PICALM: variants seen among roughly 807,000 people sequenced by gnomAD.
PICALM encodes phosphatidylinositol-binding clathrin assembly protein.
PICALM carries 40 observed loss-of-function variants against 80.5 expected under a neutral mutation model. That is an observed-to-expected ratio of 0.50 (90% CI 0.39 to 0.65). The LOEUF (loss-of-function observed/expected upper bound fraction) is 0.65, where lower values mean the gene tolerates loss of function less well. PICALM is among the 30% of genes least tolerant of loss of function. The pLI is 0.00. For synonymous variants in PICALM, 288 were observed against 260.3 expected, an observed-to-expected ratio of 1.11 and a Z score of -1.02; for missense variants, 676 against 778.9, an observed-to-expected ratio of 0.87 and a Z score of 1.57.
intron 8 of PICALM, among the ~76,000 whole-genome samples, chr11:86,006,957 G>A (rs2095290916): frequency 6.6e-6 from 1 of 151,770 alleles, no homozygotes; most frequent in Non-Finnish European, 1.5e-5. Flanking sequence ...ACTACTTACT[G>A]TCTGAGGTAG....
intron 1 of PICALM, among the ~76,000 whole-genome samples, chr11:86,034,102 A>C (rs1399995295): frequency 2.0e-5 from 3 of 152,214 alleles, no homozygotes; most frequent in Non-Finnish European, 4.4e-5. Flanking sequence ...ATAACTCCAG[A>C]AGCTAAAAAA....
In PICALM at chr11:85,977,183, C is replaced by G. The variant is rs143057595; in HGVS notation, c.1780-501G>C. 7.8e-4 allele frequency among the ~76,000 whole-genome samples: 118 copies of G among 152,250 alleles called. 2 individuals carry two copies. The East Asian group carries it at 0.021, about 27-fold the overall frequency. On this transcript the variant is annotated intron_variant, in intron 17 of 19. Transcript: ENST00000393346. ...TTCTAAGGATCTTACTCACTCTTTT[C>G]AAAAAACTCCAAAGGTTTCAAACTA...
intron 19 of PICALM, chr11:85,969,665 A>C (rs1339012206): frequency 4.7e-6 from 2 of 422,550 alleles, no homozygotes; most frequent in Admixed American, 2.6e-5. Flanking sequence ...AACCTTATCT[A>C]GTTCAAAGAT....
chr11:86,052,626 A>G (rs1046280720), intron 1 of PICALM, among the ~76,000 whole-genome samples: 10 of 152,204 alleles, frequency 6.6e-5, no homozygotes, highest in Non-Finnish European at 1.3e-4. Context: ...ATCTCATCTC[A>G]GCTTCCAGAT....
At chr11:85,996,963 C>G (rs755360688) in intron 11 of PICALM, 34 bp from the exon 12 acceptor site, 2 of 1,453,448 alleles carry the variant, frequency 1.4e-6, no homozygotes, top group Non-Finnish European at 1.9e-6. Flanking sequence ...GTTTTATTTA[C>G]CAGAAAAACT....
Position 85,988,483 on chromosome 11 carries a change from T to C in PICALM, c.1408+1767A>G, listed in dbSNP as rs143008873. 2.0e-5 allele frequency among the ~76,000 whole-genome samples: 3 copies of C among 152,096 alleles called. No individual in the cohort carries two copies. In the East Asian group the frequency reaches 5.8e-4, roughly 29 times the overall value. ...AAAGATACTGTTATCTAGCTCCAAATGAGCTGGCTACAGTAGAAGAAACAA... is the reference window on the plus strand; with the variant it reads ...AAAGATACTGTTATCTAGCTCCAAACGAGCTGGCTACAGTAGAAGAAACAA... On this transcript the variant is annotated intron_variant, in intron 13 of 19. Coordinates refer to ENST00000393346, the MANE Select transcript of PICALM (RefSeq NM_007166.4).
In PICALM at chr11:85,957,270, G is replaced by A. The variant is rs1369717766; in HGVS notation, c.*1776C>T. ...TTTCTCCAATCACAGCAAATATTAT[G>A]AGACACTTATCAATGCAAAGCTTTT... is the stretch of plus-strand genomic sequence containing the variant. On this transcript the variant is annotated 3_prime_UTR_variant, in exon 20 of 20. Transcript: ENST00000393346. 1.3e-5 allele frequency among the ~76,000 whole-genome samples: 2 copies of A among 152,132 alleles called. No homozygotes were observed. Among genetic ancestry groups the A allele is most frequent in the African/African-American group, 4.8e-5 (2 of 41,432 alleles).
rs10792821 is a variant in PICALM at position 86,007,598 on chromosome 11, T to A, written c.766-15A>T. The A allele has an allele frequency of 2.3e-4, 305 of 1,312,984 alleles. No homozygotes were observed. In the African/African-American group the frequency reaches 4.2e-3, roughly 18 times the overall value. The allele number at this position is 1,312,984 out of a possible 1,614,324, so 81.3% of individuals were successfully genotyped here. A position where few individuals can be genotyped will look rare whatever the true frequency, so the allele number is the denominator to read the frequency against. ...ATTCCAACTTGCTGTAAGAAAAGCA[T>A]TGTATTTAATAAATTATAATAAAAA... On this transcript the variant is annotated splice_polypyrimidine_tract_variant and intron_variant, in intron 7 of 19. Coordinates refer to ENST00000393346, the MANE Select transcript of PICALM (RefSeq NM_007166.4).
chr11:85,974,823 G>C lies in PICALM; in HGVS notation c.1840-11C>G, dbSNP rs771456583. The C allele has an allele frequency of 1.3e-6, 2 of 1,554,276 alleles. No individual in the cohort carries two copies. The highest frequency in any genetic ancestry group is 1.8e-6 in the Non-Finnish European group (2 of 1,125,474). On this transcript the variant is annotated splice_polypyrimidine_tract_variant and intron_variant, in intron 18 of 19. Coordinates refer to ENST00000393346, the MANE Select transcript of PICALM (RefSeq NM_007166.4). ...TCCCATTTGTGGAGGCTAAAAAAGA[G>C]AAAAATATCAAAAGATACTGACTCC...
rs1229787634 is a variant in PICALM at position 85,981,963 on chromosome 11, G to A, written c.1557C>T (p.Ala519=). The A allele has an allele frequency of 1.1e-5, 17 of 1,612,526 alleles. No homozygotes were observed. Among genetic ancestry groups the A allele is most frequent in the Middle Eastern group, 1.7e-4 (1 of 6,058 alleles). Reference sequence around the variant, plus strand: ...CAACAGGAAGGTTCTGGTTCTGAGAGGCCACTGTTGGTTTGAGAAGTCCAC... The same window carrying A: ...CAACAGGAAGGTTCTGGTTCTGAGAAGCCACTGTTGGTTTGAGAAGTCCAC... ...ELGGLLKPTV[A]SQNQNLPVAK... Residue 519 remains alanine, a synonymous_variant, in exon 15 of 20, where the codon GCC becomes GCT. Coordinates refer to ENST00000393346, the MANE Select transcript of PICALM (RefSeq NM_007166.4).
intron 4 of PICALM, among the ~76,000 whole-genome samples, chr11:86,016,214 T>C (rs963503522): frequency 1.3e-5 from 2 of 152,206 alleles, no homozygotes; most frequent in African/African-American, 2.4e-5. Flanking sequence ...CTTCAACATC[T>C]ACATGGACAA....
rs111986657 is a variant in PICALM, at chr11:86,006,723, T to C, written c.807+819A>G. Among the ~76,000 whole-genome samples the C allele has an allele frequency of 9.0e-4, 136 of 151,758 alleles. 1 individual carries two copies. The highest frequency in any genetic ancestry group is 3.0e-3 in the African/African-American group (124 of 41,342). On this transcript the variant is annotated intron_variant, in intron 8 of 19. Coordinates refer to ENST00000393346, the MANE Select transcript of PICALM (RefSeq NM_007166.4). ...AAACAGATGTCAACAAATGAGAGAG[T>C]TGATGGAAATGTTACAAGGATAGCT...
chr11:85,996,789 G>T, intron 12 of PICALM, 37 bp downstream of exon 12: 1 of 1,117,870 alleles, frequency 8.9e-7, no homozygotes, highest in Non-Finnish European at 1.4e-6. Context: ...GAGGAGAGAT[G>T]CATGTAACAT....
In PICALM at chr11:85,974,733, G is replaced by A. The variant is rs1157522733; in HGVS notation, c.1919C>T (p.Pro640Leu). Reference sequence around the variant, plus strand: ...CTGTGCTCCTGATACAGGGCCAAAGGGGTTTGGAGGTCTCATGACAGGCTG... The same window carrying A: ...CTGTGCTCCTGATACAGGGCCAAAGAGGTTTGGAGGTCTCATGACAGGCTG... ...YSQPVMRPPNPFGPVSGAQIQ... is the reference protein window; with the variant it reads ...YSQPVMRPPNLFGPVSGAQIQ... Residue 640 changes from proline to leucine, a missense_variant, in exon 19 of 20, where the codon CCC becomes CTC. Physicochemically the swap from Pro to Leu is moderately conservative, Grantham distance 98. This residue lies in a region of PICALM where 391 missense variants were observed against 383.6 expected (regional missense o/e 1.02). Coordinates refer to ENST00000393346, the MANE Select transcript of PICALM (RefSeq NM_007166.4). 1 of 1,611,932 alleles carries A rather than the reference G, an allele frequency of 6.2e-7. No homozygotes were observed. Among genetic ancestry groups the A allele is most frequent in the African/African-American group, 1.3e-5 (1 of 74,858 alleles).
At chr11:85,961,339 C>T (rs1343108949) in intron 19 of PICALM, among the ~76,000 whole-genome samples, 4 of 152,204 alleles carry the variant, frequency 2.6e-5, no homozygotes, top group African/African-American at 9.6e-5. Context: ...AGCTGACACA[C>T]GTACTGTGGG....
rs2093588248 is a variant in PICALM at position 85,958,565 on chromosome 11, T to A, written c.*481A>T. 9.2e-6 allele frequency: 2 copies of A among 216,724 alleles called. No homozygotes were observed. The highest frequency in any genetic ancestry group is 1.9e-5 in the Non-Finnish European group (2 of 107,528). 13.4% of individuals were successfully genotyped at this position (216,724 alleles called of 1,614,324 possible). A position where few individuals can be genotyped will look rare whatever the true frequency, so the allele number is the denominator to read the frequency against. On this transcript the variant is annotated 3_prime_UTR_variant, in exon 20 of 20. Coordinates refer to ENST00000393346, the MANE Select transcript of PICALM (RefSeq NM_007166.4). ...TAATTTTTTTTAAAAAAAGAAAAGT[T>A]AATTTCAGTTATTGTTTCTGTATTT...
At chr11:86,050,692 T>A (rs115586541) in intron 1 of PICALM, among the ~76,000 whole-genome samples, 1,627 of 152,312 alleles carry the variant, frequency 0.011, 33 homozygotes, top group African/African-American at 0.036. Flanking sequence ...TATGTCACTG[T>A]GGTAGAACAT....
intron 19 of PICALM, among the ~76,000 whole-genome samples, chr11:85,972,189 C>A (rs2094133922): frequency 6.6e-6 from 1 of 151,964 alleles, no homozygotes; most frequent in Admixed American, 6.6e-5. Flanking sequence ...AGGTTATTAC[C>A]CAAAACTGTA....
At chr11:86,061,330 C>CAAAAAAAAAAAAAAAAAAA (rs58836221) in intron 1 of PICALM, among the ~76,000 whole-genome samples, 1 of 81,176 alleles carries the variant, frequency 1.2e-5, no homozygotes, top group Non-Finnish European at 2.4e-5. Context: ...GACTCCATCT[C>CAAAAAAAAAAAAAAAAAAA]AAAAAAAAAA....
Sources: gnomAD v4.1 joint callset for allele counts (sites outside exome capture counted in the v4.1 genomes callset) on GRCh38, gnomAD v4.1.1 for gene constraint, gnomAD v4.1.1 regional missense constraint, MANE v1.5 for transcripts, NCBI Gene and HGNC (gene_info 2026-07-23, HGNC 2026-07-21) for gene names.